Variants in KPNA3 observed in about 807,000 individuals in gnomAD.
KPNA3 encodes importin subunit alpha-4.
KPNA3 carries 13 observed loss-of-function variants against 73.8 expected under a neutral mutation model. That is an observed-to-expected ratio of 0.18 (90% CI 0.11 to 0.28). KPNA3 has a LOEUF of 0.28. KPNA3 is among the 10% of genes least tolerant of loss of function. The probability of loss-of-function intolerance (pLI) is 1.00; values close to 1 mark genes in which losing one functional copy is unlikely to be tolerated. For synonymous variants in KPNA3, 186 were observed against 206.9 expected, an observed-to-expected ratio of 0.90 and a Z score of 0.87; for missense variants, 360 against 618.1, an observed-to-expected ratio of 0.58 and a Z score of 4.43.
chr13:49,721,887 G>A (rs1954362769), intron 9 of KPNA3, 68 bp downstream of exon 9: 1 of 1,081,452 alleles, frequency 9.2e-7, no homozygotes, highest in Non-Finnish European at 1.3e-6. Context: ...TTTGTCCCCT[G>A]TATATGAATT....
At chr13:49,704,429 A>G (rs1954182906) in intron 15 of KPNA3, among the ~76,000 whole-genome samples, 2 of 85,618 alleles carry the variant, frequency 2.3e-5, no homozygotes, top group African/African-American at 3.8e-5. Context: ...AAAATAAATA[A>G]ATAAAAAATA....
chr13:49,736,747 G>A (rs933607582), intron 2 of KPNA3, among the ~76,000 whole-genome samples: 2 of 152,108 alleles, frequency 1.3e-5, no homozygotes, highest in South Asian at 2.1e-4. Flanking sequence ...ATAGATTCAT[G>A]TTATCTACCA....
At chr13:49,760,326 G>A (rs1366749605) in intron 1 of KPNA3, among the ~76,000 whole-genome samples, 1 of 149,662 alleles carries the variant, frequency 6.7e-6, no homozygotes, top group African/African-American at 2.5e-5. Context: ...GAGGTGGGAG[G>A]ACTGCTTGAG....
At chr13:49,743,558 G>A (rs1220340156) in intron 2 of KPNA3, among the ~76,000 whole-genome samples, 2 of 150,640 alleles carry the variant, frequency 1.3e-5, no homozygotes, top group Non-Finnish European at 3.0e-5. Context: ...CTTAGTAACT[G>A]GAAAGGAAAT....
chr13:49,753,026 C>A (rs1410070321), intron 1 of KPNA3, among the ~76,000 whole-genome samples: 17 of 82,204 alleles, frequency 2.1e-4, no homozygotes, highest in African/African-American at 3.5e-4. Flanking sequence ...GACTCTGTCT[C>A]AAAAAAAAAA....
chr13:49,712,746 A>G (rs1394522213), intron 10 of KPNA3, among the ~76,000 whole-genome samples: 2 of 150,468 alleles, frequency 1.3e-5, no homozygotes, highest in African/African-American at 2.4e-5. Context: ...GTAAAAAAAT[A>G]TATCATTTAA....
intron 1 of KPNA3, among the ~76,000 whole-genome samples, chr13:49,783,850 ATT>A (rs1954960371): frequency 6.6e-6 from 1 of 152,218 alleles, no homozygotes; most frequent in Non-Finnish European, 1.5e-5. Context: ...CCCTACGATC[ATT>A]CTTATTATCA....
At chr13:49,705,872 A>AGGCT in intron 14 of KPNA3, 89 bp from the exon 15 acceptor site, 1 of 1,240,034 alleles carries the variant, frequency 8.1e-7, no homozygotes. Flanking sequence ...CTGAGGCAGG[A>AGGCT]GGCTATCTTG....
At chr13:49,718,255 T>C (rs1954323427) in intron 10 of KPNA3, among the ~76,000 whole-genome samples, 1 of 152,234 alleles carries the variant, frequency 6.6e-6, no homozygotes, top group South Asian at 2.1e-4. Flanking sequence ...AGTTCTTTCC[T>C]TTTAACTCTT....
At chr13:49,725,043 A>G (rs1013758887) in intron 7 of KPNA3, among the ~76,000 whole-genome samples, 9 of 152,250 alleles carry the variant, frequency 5.9e-5, no homozygotes, top group African/African-American at 2.2e-4. Flanking sequence ...ACTTTTCTAA[A>G]GAGCTTGTGT....
In KPNA3 at chr13:49,701,572, T is replaced by A; in HGVS notation, c.*228A>T. ...GGAAAAATAGGGTAGTTGAGATTGT[T>A]AAGGAGAGTTCTAAAACAGTTTAGG... On this transcript the variant is annotated 3_prime_UTR_variant, in exon 17 of 17. Coordinates refer to ENST00000261667, the MANE Select transcript of KPNA3 (RefSeq NM_002267.4). 1 of 634,496 alleles carries A rather than the reference T, an allele frequency of 1.6e-6. No individual in the cohort carries two copies. The highest frequency in any genetic ancestry group is 3.0e-6 in the Non-Finnish European group (1 of 331,650). The allele number at this position is 634,496 out of a possible 1,614,324, so 39.3% of individuals were successfully genotyped here.
intron 1 of KPNA3, among the ~76,000 whole-genome samples, chr13:49,782,583 G>C (rs1954949453): frequency 6.6e-6 from 1 of 152,066 alleles, no homozygotes. Flanking sequence ...ATAGCATGTA[G>C]AAAATACTAA....
At chr13:49,709,940 A>G (rs928445934) in intron 11 of KPNA3, among the ~76,000 whole-genome samples, 1 of 152,196 alleles carries the variant, frequency 6.6e-6, no homozygotes, top group Admixed American at 6.5e-5. Flanking sequence ...TTCAAAAAAT[A>G]AAAGGAAATT....
chr13:49,718,529 G>C (rs1566336805), intron 10 of KPNA3, among the ~76,000 whole-genome samples: 1 of 152,162 alleles, frequency 6.6e-6, no homozygotes, highest in Non-Finnish European at 1.5e-5. Context: ...GCAAACAGCA[G>C]ATATTTTGCT....
intron 2 of KPNA3, among the ~76,000 whole-genome samples, chr13:49,734,885 T>C (rs1246093427): frequency 1.3e-5 from 2 of 150,892 alleles, no homozygotes; most frequent in African/African-American, 2.4e-5. Flanking sequence ...CTTCTAATTT[T>C]GCAAATTTTG....
At chr13:49,718,601 C>A (rs1219340869) in intron 10 of KPNA3, among the ~76,000 whole-genome samples, 1 of 152,222 alleles carries the variant, frequency 6.6e-6, no homozygotes, top group Non-Finnish European at 1.5e-5. Context: ...TCAACAGCAA[C>A]AACTAAACTT....
intron 2 of KPNA3, among the ~76,000 whole-genome samples, chr13:49,746,055 T>C (rs1236755924): frequency 9.0e-5 from 10 of 111,420 alleles, no homozygotes; most frequent in African/African-American, 3.2e-4. Flanking sequence ...AGAGCGAGAC[T>C]CTGCATCAGA....
chr13:49,754,269 C>A (rs979323353), intron 1 of KPNA3, among the ~76,000 whole-genome samples: 1 of 152,022 alleles, frequency 6.6e-6, no homozygotes, highest in Non-Finnish European at 1.5e-5. Flanking sequence ...TCACTGCACT[C>A]CAGCCTGGGT....
rs143287070 is a variant in KPNA3, at chr13:49,774,617, T to G, written c.69+17821A>C. Reference sequence around the variant, plus strand: ...TCAGAAATAGGTCCAATATTTACTATGTTACCAAAACAAAAGAAAAGCATA... The same window carrying G: ...TCAGAAATAGGTCCAATATTTACTAGGTTACCAAAACAAAAGAAAAGCATA... On this transcript the variant is annotated intron_variant, in intron 1 of 16. Coordinates refer to ENST00000261667, the MANE Select transcript of KPNA3 (RefSeq NM_002267.4). 1.6e-3 allele frequency among the ~76,000 whole-genome samples: 247 copies of G among 152,310 alleles called. 2 individuals are homozygous for G. The highest frequency in any genetic ancestry group is 0.013 in the Admixed American group (199 of 15,296).
Sources: gnomAD v4.1 joint callset for allele counts (sites outside exome capture counted in the v4.1 genomes callset) on GRCh38, gnomAD v4.1.1 for gene constraint, MANE v1.5 for transcripts, NCBI Gene and HGNC (gene_info 2026-07-23, HGNC 2026-07-21) for gene names.